AGBL4: variants seen among roughly 807,000 people sequenced by gnomAD.
AGBL4 encodes the protein AGBL carboxypeptidase 4.
Under a neutral mutation model 66.4 loss-of-function variants are expected in AGBL4, and 58 were observed. That is an observed-to-expected ratio of 0.87 (90% CI 0.71 to 1.09). The LOEUF (loss-of-function observed/expected upper bound fraction) is 1.09. Ranked by LOEUF, AGBL4 falls within the 50% of genes least tolerant of loss-of-function variation. AGBL4 has a pLI of 0.00. For missense variants in AGBL4, 579 were observed against 631.0 expected, an observed-to-expected ratio of 0.92 and a Z score of 0.88; for synonymous variants, 234 against 222.9, an observed-to-expected ratio of 1.05 and a Z score of -0.44.
chr1:49,739,870 C>A lies in AGBL4; in HGVS notation c.158-42433G>T, dbSNP rs903848057. On this transcript the variant is annotated intron_variant, in intron 2 of 13. Coordinates refer to ENST00000371839, the MANE Select transcript of AGBL4 (RefSeq NM_032785.4). ...CAAATGCTGAGAGATTTTGTCACCA[C>A]CAGGCCTGCCCTACAAGAGCTCCTG... 9.2e-5 allele frequency among the ~76,000 whole-genome samples: 14 copies of A among 152,190 alleles called. No individual in the cohort carries two copies. In the South Asian group the frequency reaches 1.7e-3, roughly 18 times the overall value.
intron 1 of AGBL4, among the ~76,000 whole-genome samples, chr1:50,014,628 A>T (rs1276740435): frequency 6.8e-6 from 1 of 146,788 alleles, no homozygotes; most frequent in Non-Finnish European, 1.5e-5. Context: ...AGGCTCAAGC[A>T]ATTCTCCTGC....
chr1:49,603,191 G>A (rs1644994861), intron 3 of AGBL4, among the ~76,000 whole-genome samples: 1 of 152,180 alleles, frequency 6.6e-6, no homozygotes, highest in South Asian at 2.1e-4. Context: ...TGGTGGTAAA[G>A]GAGAGGAGGG....
chr1:49,274,373 CT>C (rs1557792139), intron 3 of AGBL4, among the ~76,000 whole-genome samples: 1 of 151,932 alleles, frequency 6.6e-6, no homozygotes, highest in South Asian at 2.1e-4. Context: ...TGATATTTAA[CT>C]TTTTTTGAGT....
intron 6 of AGBL4, among the ~76,000 whole-genome samples, chr1:48,719,668 C>T (rs1647112680): frequency 6.6e-6 from 1 of 152,238 alleles, no homozygotes; most frequent in Non-Finnish European, 1.5e-5. Context: ...CCTCTTCCAC[C>T]TCTTGCCTAT....
chr1:48,675,444 C>G (rs1249857337), intron 6 of AGBL4, among the ~76,000 whole-genome samples: 2 of 152,142 alleles, frequency 1.3e-5, no homozygotes, highest in African/African-American at 2.4e-5. Context: ...GTCCGCATAT[C>G]AAAATAGGTG....
chr1:48,697,622 A>G (rs889653145), intron 6 of AGBL4, among the ~76,000 whole-genome samples: 1 of 152,220 alleles, frequency 6.6e-6, no homozygotes, highest in African/African-American at 2.4e-5. Context: ...GAGAGATTTC[A>G]GTACTGACCA....
At chr1:49,897,391 C>T (rs1649327166) in intron 1 of AGBL4, among the ~76,000 whole-genome samples, 1 of 151,602 alleles carries the variant, frequency 6.6e-6, no homozygotes, top group African/African-American at 2.4e-5. Flanking sequence ...CAGAATTAAC[C>T]TAACCAAAGA....
chr1:48,938,625 G>C (rs936662919), intron 5 of AGBL4, among the ~76,000 whole-genome samples: 1 of 152,152 alleles, frequency 6.6e-6, no homozygotes, highest in African/African-American at 2.4e-5. Context: ...TTCAGATCCA[G>C]CCCTCTGTCT....
chr1:48,804,875 T>A (rs751027374), intron 6 of AGBL4, among the ~76,000 whole-genome samples: 2 of 152,212 alleles, frequency 1.3e-5, no homozygotes, highest in Non-Finnish European at 2.9e-5. Flanking sequence ...ACATTTCAGT[T>A]ATTGTTTGCT....
chr1:48,699,461 A>G (rs986310492), intron 6 of AGBL4, among the ~76,000 whole-genome samples: 2 of 152,086 alleles, frequency 1.3e-5, no homozygotes, highest in African/African-American at 2.4e-5. Context: ...CCATCAGCCC[A>G]CCTCATGCAA....
intron 2 of AGBL4, among the ~76,000 whole-genome samples, chr1:49,832,000 T>C (rs575858969): frequency 6.6e-6 from 1 of 152,068 alleles, no homozygotes; most frequent in East Asian, 1.9e-4. Flanking sequence ...TTAATTTTAT[T>C]TTATTATTAT....
chr1:49,391,331 A>G (rs1421888686), intron 3 of AGBL4, among the ~76,000 whole-genome samples: 1 of 152,184 alleles, frequency 6.6e-6, no homozygotes, highest in Non-Finnish European at 1.5e-5. Context: ...TGATCTTTAA[A>G]AAGATCTTGT....
intron 3 of AGBL4, among the ~76,000 whole-genome samples, chr1:49,384,319 C>A (rs549345298): frequency 3.9e-5 from 6 of 151,988 alleles, no homozygotes; most frequent in African/African-American, 1.4e-4. Context: ...GGCGGCTGGG[C>A]TCGGTGGCTC....
At chr1:49,418,314 C>A (rs1645472311) in intron 3 of AGBL4, among the ~76,000 whole-genome samples, 1 of 152,178 alleles carries the variant, frequency 6.6e-6, no homozygotes. Flanking sequence ...TAGGAGCCTT[C>A]ACATTGATTA....
chr1:48,818,866 T>C (rs1160494592), intron 6 of AGBL4, among the ~76,000 whole-genome samples: 2 of 152,152 alleles, frequency 1.3e-5, no homozygotes, highest in Admixed American at 6.5e-5. Context: ...AATAGACATA[T>C]ATTGATTGGC....
rs186147317 is a variant in AGBL4, at chr1:49,080,555, C to A, written c.378-34755G>T. On this transcript the variant is annotated intron_variant, in intron 4 of 13. Coordinates refer to ENST00000371839, the MANE Select transcript of AGBL4 (RefSeq NM_032785.4). ...GATTGGCTGAAATCACAGGTCAAGG[C>A]AGTCTATGGATGTGCTCCATACAGG... is the stretch of plus-strand genomic sequence containing the variant. 3.0e-4 allele frequency among the ~76,000 whole-genome samples: 45 copies of A among 152,180 alleles called. No individual in the cohort carries two copies. In the East Asian group the frequency reaches 7.9e-3, roughly 27 times the overall value.
intron 1 of AGBL4, among the ~76,000 whole-genome samples, chr1:49,873,675 C>T (rs1430769919): frequency 2.0e-5 from 3 of 152,030 alleles, no homozygotes; most frequent in Admixed American, 6.6e-5. Context: ...CCATATCCTC[C>T]CTGTTTCCTG....
chr1:50,019,263 TTCTCTCTCTCTCTC>T (rs71059571), intron 1 of AGBL4, among the ~76,000 whole-genome samples: 13 of 83,674 alleles, frequency 1.6e-4, no homozygotes, highest in East Asian at 4.1e-4. Context: ...AAAAAAAATA[TTCTCTCTCTCTCTC>T]TCTCTCTCTC....
chr1:48,871,579 G>T (rs1648681261), intron 5 of AGBL4, among the ~76,000 whole-genome samples: 2 of 152,106 alleles, frequency 1.3e-5, no homozygotes, highest in Non-Finnish European at 2.9e-5. Context: ...TATGACCCCT[G>T]CATCCAGCCT....
Sources: allele counts gnomAD v4.1 joint callset (sites outside exome capture counted in the v4.1 genomes callset), GRCh38; gene constraint gnomAD v4.1.1; transcripts MANE v1.5; gene names NCBI Gene and HGNC (gene_info 2026-07-23, HGNC 2026-07-21).